Variants in THRA observed in about 807,000 individuals in gnomAD.
THRA encodes the protein thyroid hormone receptor alpha, also known as EAR-7.
THRA carries 13 observed loss-of-function variants against 45.0 expected under a neutral mutation model. The observed-to-expected ratio is 0.29, with a 90% CI of 0.19 to 0.46. The LOEUF (loss-of-function observed/expected upper bound fraction) is 0.46. Ranked by LOEUF, THRA falls within the 20% of genes least tolerant of loss-of-function variation. THRA has a pLI of 1.00. For missense variants in THRA, 278 were observed against 556.1 expected, an observed-to-expected ratio of 0.50 and a Z score of 5.03; for synonymous variants, 195 against 214.0, an observed-to-expected ratio of 0.91 and a Z score of 0.78.
chr17:40,065,909 A>C (rs917965996), intron 1 of THRA, among the ~76,000 whole-genome samples: 1 of 152,174 alleles, frequency 6.6e-6, no homozygotes, highest in African/African-American at 2.4e-5. Context: ...GGCTCCCCCC[A>C]CACTGGCCCA....
At chr17:40,086,542 G>T (rs1987324954) in intron 6 of THRA, among the ~76,000 whole-genome samples, 165 bp from the exon 7 acceptor site, 1 of 152,094 alleles carries the variant, frequency 6.6e-6, no homozygotes, top group Admixed American at 6.6e-5. Context: ...TCTGGTTCTG[G>T]TCTATTCTCT....
intron 4 of THRA, among the ~76,000 whole-genome samples, chr17:40,079,107 G>A (rs1055753108): frequency 9.9e-5 from 15 of 152,094 alleles, no homozygotes; most frequent in East Asian, 3.8e-4. Context: ...ACAGAATCCC[G>A]GAGTGTTTCC....
rs979262816 is a variant in THRA at position 40,091,264 on chromosome 17, A to ACACACACACACACACG, written c.*1815_*1816insACACACACGCACACAC. On this transcript the variant is annotated 3_prime_UTR_variant, in exon 9 of 9. Transcript: ENST00000450525. ...CACACACACACACACACACACACACACACACACGGACATGCACACACGGAC... is the reference window on the plus strand; with the variant it reads ...CACACACACACACACACACACACACACACACACACACACACGCACACACGGACATGCACACACGGAC... 3.7e-4 allele frequency: 58 copies of ACACACACACACACACG among 155,714 alleles called. No homozygotes were observed. The highest frequency in any genetic ancestry group is 1.3e-3 in the African/African-American group (52 of 40,966). 9.6% of individuals were successfully genotyped at this position (155,714 alleles called of 1,614,324 possible).
At chr17:40,085,030 G>A (rs1392595538) in intron 6 of THRA, among the ~76,000 whole-genome samples, 2 of 152,216 alleles carry the variant, frequency 1.3e-5, no homozygotes, top group African/African-American at 4.8e-5. Context: ...AATGAGGACA[G>A]GGCCTTGCCT....
At chr17:40,068,145 C>G (rs549905778) in intron 1 of THRA, among the ~76,000 whole-genome samples, 1 of 152,162 alleles carries the variant, frequency 6.6e-6, no homozygotes, top group African/African-American at 2.4e-5. Flanking sequence ...CAAGCATGAC[C>G]GTGGTGGGAA....
At chr17:40,088,214 G>A in intron 7 of THRA, 28 bp from the exon 8 acceptor site, 2 of 1,561,574 alleles carry the variant, frequency 1.3e-6, no homozygotes, top group East Asian at 4.5e-5. Flanking sequence ...GGTATGCTGA[G>A]TGCTCCTGTG....
In THRA at chr17:40,074,457, G is replaced by A; in HGVS notation, c.-32G>A. On this transcript the variant is annotated 5_prime_UTR_variant, in exon 2 of 9. Coordinates refer to ENST00000450525, the MANE Select transcript of THRA (RefSeq NM_199334.5). ...TGTGCCCACCCCAGTCTCTTGGCGT[G>A]CTGGAGGGCATCCTGGATGGAATTG... The A allele has an allele frequency of 6.2e-7, 1 of 1,613,654 alleles. No individual in the cohort carries two copies. Among genetic ancestry groups the A allele is most frequent in the Non-Finnish European group, 8.5e-7 (1 of 1,179,654 alleles).
Position 40,091,782 on chromosome 17 carries a change from T to C in THRA, c.*2326T>C, listed in dbSNP as rs947731217. ...GTATGTGTGCGTTCCTCTGCGTGAA[T>C]GTGTGAGTGAGTACACATGGTAGGG... On this transcript the variant is annotated 3_prime_UTR_variant, in exon 9 of 9. Coordinates refer to ENST00000450525, the MANE Select transcript of THRA (RefSeq NM_199334.5). 2 of 152,366 alleles carry C rather than the reference T, an allele frequency of 1.3e-5. No individual in the cohort carries two copies. Among genetic ancestry groups the C allele is most frequent in the Middle Eastern group, 3.4e-3 (1 of 296 alleles). The allele number at this position is 152,366 out of a possible 1,614,324, so 9.4% of individuals were successfully genotyped here. A position where few individuals can be genotyped will look rare whatever the true frequency, so the allele number is the denominator to read the frequency against.
At chr17:40,076,738 C>A in intron 2 of THRA, 133 bp from the exon 3 acceptor site, 3 of 889,150 alleles carry the variant, frequency 3.4e-6, no homozygotes, top group East Asian at 2.6e-5. Flanking sequence ...TCAGCTGACC[C>A]TGGGGGGTGG....
Position 40,084,103 on chromosome 17 carries a change from G to C in THRA, c.370+121G>C, listed in dbSNP as rs779338132. ...CAGGGCAGAGTGGCAATCCAGTCTA[G>C]GTCAGAATGTTCAGTGTCTTGGTCC... On this transcript the variant is annotated intron_variant, in intron 5 of 8. Transcript: ENST00000450525. 9.2e-6 allele frequency: 11 copies of C among 1,202,024 alleles called. No individual in the cohort carries two copies. The Middle Eastern group carries it at 1.8e-3, about 193-fold the overall frequency. The allele number at this position is 1,202,024 out of a possible 1,614,324, so 74.5% of individuals were successfully genotyped here.
chr17:40,075,253 C>T (rs1986910403), intron 2 of THRA, among the ~76,000 whole-genome samples: 1 of 148,298 alleles, frequency 6.7e-6, no homozygotes. Context: ...TCCCAGTTGG[C>T]ACGGTGCCCT....
At chr17:40,069,486 A>G (rs1268474209) in intron 1 of THRA, among the ~76,000 whole-genome samples, 1 of 151,670 alleles carries the variant, frequency 6.6e-6, no homozygotes, top group Non-Finnish European at 1.5e-5. Flanking sequence ...GGAGGACCCC[A>G]AGCCTTGTGC....
At position 40,074,514 on chromosome 17, in the gene THRA, A is replaced by AGT; in HGVS notation, c.30_31dup (p.Gly11ValfsTer26). On this transcript the variant is annotated frameshift_variant, in exon 2 of 9. Transcript: ENST00000450525. LOFTEE classifies it high-confidence loss of function. The stretch of plus-strand genomic sequence containing the variant: ...ATGGAACAGAAGCCAAGCAAGGTGG[A>AGT]GTGTGGGTCAGACCCAGAGGAGAAC... 6.2e-7 allele frequency: 1 copy of AGT among 1,614,064 alleles called. No individual in the cohort carries two copies.
rs773745836 is a variant in THRA, at chr17:40,086,860, G to A, written c.723+7G>A. 42 of 1,613,816 alleles carry A rather than the reference G, an allele frequency of 2.6e-5. No homozygotes were observed. Among genetic ancestry groups the A allele is most frequent in the Non-Finnish European group, 3.4e-5 (40 of 1,179,956 alleles). On this transcript the variant is annotated splice_region_variant and intron_variant, in intron 7 of 8. Coordinates refer to ENST00000450525, the MANE Select transcript of THRA (RefSeq NM_199334.5). ...ACTGCCCATGTTCTCCGAGGTGAGT[G>A]GCAGAAGTGGGGAGAGATGTGATGC...
At chr17:40,066,405 C>G (rs1487815744) in intron 1 of THRA, among the ~76,000 whole-genome samples, 1 of 152,010 alleles carries the variant, frequency 6.6e-6, no homozygotes, top group Admixed American at 6.6e-5. Flanking sequence ...GGCTCACACC[C>G]GTAATCCTAG....
At chr17:40,067,757 C>A (rs1188811438) in intron 1 of THRA, among the ~76,000 whole-genome samples, 1 of 152,144 alleles carries the variant, frequency 6.6e-6, no homozygotes, top group Admixed American at 6.5e-5. Context: ...GTGGCTCATG[C>A]CTGTAATCTC....
intron 1 of THRA, among the ~76,000 whole-genome samples, chr17:40,066,919 A>G (rs1442107791): frequency 6.6e-6 from 1 of 152,168 alleles, no homozygotes; most frequent in African/African-American, 2.4e-5. Context: ...TTTTTGAGGA[A>G]AAATGTTTTT....
intron 6 of THRA, among the ~76,000 whole-genome samples, 176 bp downstream of exon 6, chr17:40,084,991 G>A (rs1662760536): frequency 6.6e-6 from 1 of 152,164 alleles, no homozygotes; most frequent in Non-Finnish European, 1.5e-5. Context: ...TTGCTGTCTG[G>A]ACTGTCTACT....
At chr17:40,079,101 A>G (rs1987051228) in intron 4 of THRA, among the ~76,000 whole-genome samples, 1 of 152,048 alleles carries the variant, frequency 6.6e-6, no homozygotes, top group South Asian at 2.1e-4. Flanking sequence ...CTTTTAACAG[A>G]ATCCCGGAGT....
Sources: allele counts gnomAD v4.1 joint callset (sites outside exome capture counted in the v4.1 genomes callset), GRCh38; gene constraint gnomAD v4.1.1; transcripts MANE v1.5; gene names NCBI Gene and HGNC (gene_info 2026-07-23, HGNC 2026-07-21).